PKIB: variants seen among roughly 807,000 people sequenced by gnomAD.
PKIB encodes the protein cAMP-dependent protein kinase inhibitor beta.
Under a neutral mutation model 4.5 loss-of-function variants are expected in PKIB, and 2 were observed. The observed-to-expected ratio is 0.44, with a 90% CI of 0.18 to 1.39. The LOEUF is 1.39. Among genes scored for constraint, PKIB ranks in the 40% most tolerant of loss-of-function variants. The probability of loss-of-function intolerance (pLI) is 0.27; values close to 1 mark genes in which losing one functional copy is unlikely to be tolerated. For synonymous variants in PKIB, 38 were observed against 36.0 expected (o/e 1.06, Z -0.20); for missense variants, 94 against 92.6 (o/e 1.02, Z -0.06).
intron 2 of PKIB, among the ~76,000 whole-genome samples, chr6:122,578,908 C>T (rs1773626623): frequency 6.6e-6 from 1 of 152,150 alleles, no homozygotes; most frequent in Admixed American, 6.5e-5. Flanking sequence ...AGGCTTTTCC[C>T]TCTTTTGCTC....
At chr6:122,691,695 TA>T (rs1336718518) in intron 3 of PKIB, among the ~76,000 whole-genome samples, 5 of 152,132 alleles carry the variant, frequency 3.3e-5, no homozygotes, top group Admixed American at 2.6e-4. Context: ...TGGTCCCTGG[TA>T]GCTTATTTAG....
intron 2 of PKIB, among the ~76,000 whole-genome samples, chr6:122,516,406 T>A (rs1332565970): frequency 6.6e-6 from 1 of 152,224 alleles, no homozygotes; most frequent in Non-Finnish European, 1.5e-5. Flanking sequence ...TGCATGCTCC[T>A]CTTTTATGGT....
intron 3 of PKIB, among the ~76,000 whole-genome samples, chr6:122,688,956 T>TA (rs1362205961): frequency 6.6e-6 from 1 of 151,958 alleles, no homozygotes; most frequent in African/African-American, 2.4e-5. Context: ...AATTTTTTTT[T>TA]ATTTTTAGTA....
At chr6:122,506,354 T>G (rs1308615148) in intron 2 of PKIB, among the ~76,000 whole-genome samples, 14 of 152,184 alleles carry the variant, frequency 9.2e-5, no homozygotes, top group Admixed American at 4.6e-4. Flanking sequence ...AATTGAAGTC[T>G]CTCATCATTT....
chr6:122,686,537 A>G (rs756300494), intron 3 of PKIB, among the ~76,000 whole-genome samples: 1 of 151,706 alleles, frequency 6.6e-6, no homozygotes, highest in Non-Finnish European at 1.5e-5. Context: ...TCACTCTTTC[A>G]TCCAGGCCTG....
intron 1 of PKIB, among the ~76,000 whole-genome samples, chr6:122,477,281 T>A (rs948145387): frequency 2.6e-5 from 4 of 152,206 alleles, no homozygotes; most frequent in African/African-American, 9.6e-5. Context: ...GAGGCAATTA[T>A]CCAGGTGATA....
At chr6:122,478,746 G>A (rs1262581681) in intron 2 of PKIB, 1 of 152,104 alleles carries the variant, frequency 6.6e-6, no homozygotes, top group Non-Finnish European at 1.5e-5. Flanking sequence ...ATGCCAATAG[G>A]AGAAAGTGTT....
intron 3 of PKIB, among the ~76,000 whole-genome samples, chr6:122,679,735 G>A (rs927598312): frequency 2.6e-5 from 4 of 152,164 alleles, no homozygotes; most frequent in Non-Finnish European, 4.4e-5. Flanking sequence ...TCTAAGCCAC[G>A]GTGATGAGAT....
intron 1 of PKIB, among the ~76,000 whole-genome samples, chr6:122,615,248 A>G: frequency 6.6e-6 from 1 of 152,198 alleles, no homozygotes; most frequent in South Asian, 2.1e-4. Context: ...AGCTGTGCAT[A>G]TGTATATACT....
At chr6:122,517,090 G>T (rs80110743) in intron 2 of PKIB, among the ~76,000 whole-genome samples, 1 of 152,016 alleles carries the variant, frequency 6.6e-6, no homozygotes, top group Non-Finnish European at 1.5e-5. Context: ...ATTCCATCAC[G>T]GATTATGTTT....
chr6:122,651,084 C>A (rs1321216587), intron 2 of PKIB, among the ~76,000 whole-genome samples: 1 of 152,106 alleles, frequency 6.6e-6, no homozygotes, highest in East Asian at 1.9e-4. Flanking sequence ...CTACACAAGC[C>A]AAATAGACGA....
chr6:122,648,781 C>T (rs960293887), intron 2 of PKIB, among the ~76,000 whole-genome samples: 2 of 152,084 alleles, frequency 1.3e-5, no homozygotes, highest in Admixed American at 6.6e-5. Context: ...AACCTGTGAC[C>T]ACGTAGCTTG....
chr6:122,538,643 G>A (rs2114631172), intron 2 of PKIB, among the ~76,000 whole-genome samples: 1 of 152,152 alleles, frequency 6.6e-6, no homozygotes, highest in East Asian at 1.9e-4. Flanking sequence ...TTTGGCTTAG[G>A]ATTGACTTGG....
intron 2 of PKIB, among the ~76,000 whole-genome samples, chr6:122,566,302 T>C (rs1173780616): frequency 1.3e-5 from 2 of 152,192 alleles, no homozygotes; most frequent in Non-Finnish European, 2.9e-5. Context: ...AAATATAGTC[T>C]GACCACAGTT....
intron 2 of PKIB, among the ~76,000 whole-genome samples, chr6:122,575,138 G>C (rs765950933): frequency 1.3e-5 from 2 of 151,900 alleles, no homozygotes; most frequent in Non-Finnish European, 2.9e-5. Flanking sequence ...GCCAACAAAC[G>C]TATGAAAAAA....
chr6:122,628,285 C>T (rs1327033461), intron 1 of PKIB, among the ~76,000 whole-genome samples: 1 of 152,230 alleles, frequency 6.6e-6, no homozygotes, highest in African/African-American at 2.4e-5. Flanking sequence ...GATCCGCCTA[C>T]CTCGGCCTCC....
At chr6:122,573,392 C>T (rs1364220025) in intron 2 of PKIB, among the ~76,000 whole-genome samples, 2 of 151,494 alleles carry the variant, frequency 1.3e-5, no homozygotes, top group African/African-American at 4.9e-5. Flanking sequence ...GCTGGTAGTA[C>T]ACACATGTTC....
At chr6:122,657,096 T>C (rs917462860) in intron 2 of PKIB, among the ~76,000 whole-genome samples, 1 of 152,226 alleles carries the variant, frequency 6.6e-6, no homozygotes, top group Non-Finnish European at 1.5e-5. Context: ...ATAGTTAAAG[T>C]AGTGAAGCAG....
At chr6:122,575,694 A>G (rs1395420380) in intron 2 of PKIB, among the ~76,000 whole-genome samples, 1 of 152,216 alleles carries the variant, frequency 6.6e-6, no homozygotes, top group East Asian at 1.9e-4. Context: ...GTATGCTCTT[A>G]CTTATAAGTG....
Sources: gnomAD v4.1 joint callset for allele counts (sites outside exome capture counted in the v4.1 genomes callset) on GRCh38, gnomAD v4.1.1 for gene constraint, MANE v1.5 for transcripts, NCBI Gene and HGNC (gene_info 2026-07-23, HGNC 2026-07-21) for gene names.